KCNJ16: variants seen among roughly 807,000 people sequenced by gnomAD.
The protein encoded by KCNJ16 is potassium inwardly rectifying channel subfamily J member 16.
A neutral mutation model predicts 18.5 loss-of-function variants in KCNJ16; 15 were observed. That is an observed-to-expected ratio of 0.81 (90% CI 0.54 to 1.25). The LOEUF is 1.25. Among genes scored for constraint, KCNJ16 ranks in the 50% most tolerant of loss-of-function variants. The pLI is 0.00. For synonymous variants in KCNJ16, 174 were observed against 186.5 expected, an observed-to-expected ratio of 0.93 and a Z score of 0.55; for missense variants, 523 against 525.7, an observed-to-expected ratio of 0.99 and a Z score of 0.05.
chr17:70,119,144 G>T (rs562140634), intron 2 of KCNJ16, among the ~76,000 whole-genome samples: 2 of 152,308 alleles, frequency 1.3e-5, no homozygotes, highest in Non-Finnish European at 2.9e-5. Context: ...TTGACTCCAT[G>T]GCCCACATCC....
intron 2 of KCNJ16, among the ~76,000 whole-genome samples, chr17:70,120,006 C>T (rs2073567818): frequency 6.6e-6 from 1 of 152,204 alleles, no homozygotes; most frequent in Non-Finnish European, 1.5e-5. Flanking sequence ...CATTTCTTTG[C>T]TCTTGCCTCT....
chr17:70,094,966 T>G (rs2072287708), intron 1 of KCNJ16, among the ~76,000 whole-genome samples: 1 of 152,204 alleles, frequency 6.6e-6, no homozygotes, highest in African/African-American at 2.4e-5. Flanking sequence ...CAGATTCAAT[T>G]ATAATTAAAT....
intron 2 of KCNJ16, among the ~76,000 whole-genome samples, chr17:70,108,909 C>G (rs993097273): frequency 1.3e-5 from 2 of 152,066 alleles, no homozygotes; most frequent in African/African-American, 4.8e-5. Flanking sequence ...ATCCCTAGAG[C>G]TGAGGGCATT....
rs1163655127 is a variant in KCNJ16, at chr17:70,133,046, A to G, written c.959A>G (p.Tyr320Cys). The G allele has an allele frequency of 6.2e-7, 1 of 1,614,172 alleles. No individual in the cohort carries two copies. Among genetic ancestry groups the G allele is most frequent in the Non-Finnish European group, 8.5e-7 (1 of 1,180,022 alleles). The change falls in exon 4 of 4, where the codon TAT becomes TGT. Residue 320 changes from tyrosine (Y) to cysteine (C), a missense_variant. By Grantham distance (194) the Tyr-to-Cys change is radical. Coordinates refer to ENST00000392671, the MANE Select transcript of KCNJ16 (RefSeq NM_170741.4). ...GATGTCTTGGAAGTTAAGAGGAAGT[A>G]TTACAAAGTGAACTGCTTACAGTTT... ...FNDVLEVKRK[Y>C]YKVNCLQFEG...
intron 2 of KCNJ16, among the ~76,000 whole-genome samples, chr17:70,123,262 G>T (rs2073719724): frequency 2.7e-5 from 3 of 111,196 alleles, no homozygotes; most frequent in Admixed American, 8.5e-5. Context: ...CCTTTGAAAA[G>T]ATATTGAAAA....
intron 2 of KCNJ16, among the ~76,000 whole-genome samples, chr17:70,110,050 A>G (rs1415441962): frequency 4.6e-5 from 7 of 152,102 alleles, no homozygotes; most frequent in Admixed American, 3.9e-4. Flanking sequence ...ACATACTTTA[A>G]TCCTGTAAAG....
At chr17:70,077,910 G>A (rs2071385948) in intron 1 of KCNJ16, among the ~76,000 whole-genome samples, 1 of 151,994 alleles carries the variant, frequency 6.6e-6, no homozygotes, top group African/African-American at 2.4e-5. Context: ...ATTGCATGAA[G>A]AATGCTTTCC....
chr17:70,113,665 G>T (rs1317004749), intron 2 of KCNJ16, among the ~76,000 whole-genome samples: 2 of 152,158 alleles, frequency 1.3e-5, no homozygotes, highest in East Asian at 3.9e-4. Context: ...GAGAAATACT[G>T]GGAAAGTATC....
intron 2 of KCNJ16, among the ~76,000 whole-genome samples, chr17:70,103,292 G>GATA (rs377213853): frequency 0.032 from 2,934 of 90,930 alleles, 46 homozygotes; most frequent in Middle Eastern, 0.049. Context: ...ATATATGTGT[G>GATA]TGTGTATATA....
intron 2 of KCNJ16, chr17:70,102,033 A>G (rs888894971): frequency 6.6e-6 from 1 of 152,120 alleles, no homozygotes; most frequent in African/African-American, 2.4e-5. Context: ...AAAAGATGGA[A>G]AAGAGTTGAT....
intron 2 of KCNJ16, chr17:70,128,927 G>C (rs2073959198): frequency 6.6e-6 from 1 of 152,228 alleles, no homozygotes; most frequent in African/African-American, 2.4e-5. Context: ...TAAACAGGAA[G>C]TGTCTCAGTC....
At chr17:70,079,352 A>G (rs1598077917) in intron 1 of KCNJ16, among the ~76,000 whole-genome samples, 1 of 152,212 alleles carries the variant, frequency 6.6e-6, no homozygotes, top group East Asian at 1.9e-4. Context: ...ATGGAGGATA[A>G]TAATCTGCTT....
chr17:70,099,297 G>C (rs1197893663), intron 1 of KCNJ16, among the ~76,000 whole-genome samples: 1 of 152,150 alleles, frequency 6.6e-6, no homozygotes. Flanking sequence ...TGAAGACTGG[G>C]TTAGAAGGTA....
chr17:70,096,388 T>C (rs2072374198), intron 1 of KCNJ16, among the ~76,000 whole-genome samples: 1 of 152,210 alleles, frequency 6.6e-6, no homozygotes, highest in Non-Finnish European at 1.5e-5. Context: ...TCATATAAGA[T>C]TGTTTCCATT....
At chr17:70,090,755 C>G (rs545043063) in intron 1 of KCNJ16, among the ~76,000 whole-genome samples, 1,938 of 151,230 alleles carry the variant, frequency 0.013, 40 homozygotes, top group African/African-American at 0.043. Flanking sequence ...CTCACAATAC[C>G]GCTAACCCAC....
intron 1 of KCNJ16, among the ~76,000 whole-genome samples, chr17:70,088,469 C>T (rs370663130): frequency 1.3e-5 from 2 of 152,280 alleles, no homozygotes; most frequent in East Asian, 1.9e-4. Flanking sequence ...GGACTGGTCC[C>T]GGTCCCTGGC....
At chr17:70,129,960 G>C (rs2074002194) in intron 2 of KCNJ16, among the ~76,000 whole-genome samples, 1 of 151,416 alleles carries the variant, frequency 6.6e-6, no homozygotes, top group Non-Finnish European at 1.5e-5. Flanking sequence ...TTTGGCAGAA[G>C]AAAAGAGCAG....
intron 2 of KCNJ16, among the ~76,000 whole-genome samples, chr17:70,109,495 A>G (rs1333660509): frequency 1.3e-5 from 2 of 152,120 alleles, no homozygotes; most frequent in Non-Finnish European, 2.9e-5. Context: ...AGCTACATAA[A>G]TATCTACATA....
chr17:70,081,188 C>T (rs2071537737), intron 1 of KCNJ16, among the ~76,000 whole-genome samples: 1 of 151,852 alleles, frequency 6.6e-6, no homozygotes, highest in Admixed American at 6.6e-5. Context: ...TGTAACTTGC[C>T]TTTCATTTGG....
Sources: gnomAD v4.1 joint callset for allele counts (sites outside exome capture counted in the v4.1 genomes callset) on GRCh38, gnomAD v4.1.1 for gene constraint, MANE v1.5 for transcripts, NCBI Gene and HGNC (gene_info 2026-07-23, HGNC 2026-07-21) for gene names.